The following SEC14L5 variants were observed in gnomAD, a reference collection of about 807,000 sequenced individuals.
SEC14L5 encodes the protein SEC14 like lipid binding 5.
In SEC14L5, 96 loss-of-function variants were observed where a neutral mutation model predicts 84.6. The observed-to-expected ratio is 1.13, with a 90% CI of 0.96 to 1.34. SEC14L5 has a LOEUF of 1.34. SEC14L5 is among the 40% of genes most tolerant of loss of function. SEC14L5 has a pLI of 0.00. For synonymous variants in SEC14L5, 546 were observed against 383.4 expected, an observed-to-expected ratio of 1.42 and a Z score of -4.95; for missense variants, 1,224 against 942.5, an observed-to-expected ratio of 1.30 and a Z score of -3.91.
rs866773213 is a variant in SEC14L5 at position 5,000,738 on chromosome 16, C to T, written c.1054C>T (p.Arg352Trp). 7.1e-6 allele frequency: 11 copies of T among 1,552,832 alleles called. No individual in the cohort carries two copies. Among genetic ancestry groups the T allele is most frequent in the Admixed American group, 5.9e-5 (3 of 51,082 alleles). Residue 352 changes from arginine (R) to tryptophan (W), a missense_variant, in exon 9 of 16, where the codon CGG becomes TGG. Coordinates refer to ENST00000251170, the MANE Select transcript of SEC14L5 (RefSeq NM_014692.2). ...MKAVGEEALL[R>W]HVLSVNEEGQ... ...GGCCGTGGGGGAGGAGGCGCTGCTGCGGCATGTGAGTCAGGGGCCTCGTTC... is the reference window on the plus strand; with the variant it reads ...GGCCGTGGGGGAGGAGGCGCTGCTGTGGCATGTGAGTCAGGGGCCTCGTTC...
At chr16:4,958,948 G>A (rs560710986) in intron 1 of SEC14L5, among the ~76,000 whole-genome samples, 5 of 152,164 alleles carry the variant, frequency 3.3e-5, no homozygotes, top group South Asian at 2.1e-4. Flanking sequence ...TAGAACCGTG[G>A]GAGTGTAAGA....
At chr16:4,983,113 C>T (rs1253047815) in intron 2 of SEC14L5, among the ~76,000 whole-genome samples, 1 of 152,070 alleles carries the variant, frequency 6.6e-6, no homozygotes, top group Admixed American at 6.6e-5. Context: ...AGCGATTCTC[C>T]TGCCTCAGCC....
At chr16:4,997,139 C>T (rs1955621592) in intron 8 of SEC14L5, 95 bp downstream of exon 8, 1 of 933,414 alleles carries the variant, frequency 1.1e-6, no homozygotes, top group African/African-American at 1.7e-5. Flanking sequence ...CACTCTGTCA[C>T]CCAGGCTGGA....
At chr16:4,960,404 A>C (rs1955108682) in intron 2 of SEC14L5, among the ~76,000 whole-genome samples, 1 of 151,956 alleles carries the variant, frequency 6.6e-6, no homozygotes, top group Non-Finnish European at 1.5e-5. Context: ...CCACCCCAGC[A>C]CTGACTGCTT....
At chr16:4,960,202 C>T (rs1278860063) in intron 2 of SEC14L5, among the ~76,000 whole-genome samples, 2 of 152,184 alleles carry the variant, frequency 1.3e-5, no homozygotes, top group African/African-American at 4.8e-5. Flanking sequence ...ACTTCACTTC[C>T]CTGCTCAGTA....
intron 11 of SEC14L5, among the ~76,000 whole-genome samples, chr16:5,004,304 C>T (rs1316630935): frequency 6.6e-6 from 1 of 152,100 alleles, no homozygotes; most frequent in African/African-American, 2.4e-5. Flanking sequence ...GGGGCAGGAG[C>T]TGCTTCTGAA....
intron 2 of SEC14L5, among the ~76,000 whole-genome samples, chr16:4,961,559 C>T (rs974090260): frequency 2.6e-5 from 4 of 152,136 alleles, no homozygotes; most frequent in Non-Finnish European, 5.9e-5. Flanking sequence ...GAACTGCTGA[C>T]CTCAAGTGAT....
At chr16:4,965,538 G>A (rs1436784432) in intron 2 of SEC14L5, among the ~76,000 whole-genome samples, 6 of 151,570 alleles carry the variant, frequency 4.0e-5, no homozygotes, top group African/African-American at 1.2e-4. Context: ...GCGGGCGCCT[G>A]TAGTCCCAGC....
At position 5,015,091 on chromosome 16, in the gene SEC14L5, C is replaced by A; in HGVS notation, c.*121C>A. On this transcript the variant is annotated 3_prime_UTR_variant, in exon 16 of 16. Coordinates refer to ENST00000251170, the MANE Select transcript of SEC14L5 (RefSeq NM_014692.2). ...GCTGGAGCCCCAGGCCTAGATGCTG[C>A]CCAAGTTGGGGTGTCTGGAGCGGAT... 1.3e-6 allele frequency: 1 copy of A among 747,140 alleles called. No individual in the cohort carries two copies. The highest frequency in any genetic ancestry group is 1.8e-5 in the South Asian group (1 of 57,018). 46.3% of individuals were successfully genotyped at this position (747,140 alleles called of 1,614,324 possible). A position where few individuals can be genotyped will look rare whatever the true frequency, so the allele number is the denominator to read the frequency against.
chr16:4,997,158 G>A (rs763620664), intron 8 of SEC14L5, 114 bp downstream of exon 8: 3 of 704,320 alleles, frequency 4.3e-6, no homozygotes, highest in Middle Eastern at 4.3e-4. Context: ...GAGTGCAGTG[G>A]TGCCATCTCG....
chr16:4,959,206 C>G, intron 1 of SEC14L5, 67 bp from the exon 2 acceptor site: 1 of 767,798 alleles, frequency 1.3e-6, no homozygotes, highest in Non-Finnish European at 2.3e-6. Flanking sequence ...GCCCCTTACA[C>G]TTGGTGGGTG....
chr16:4,997,827 C>T (rs1400509789), intron 8 of SEC14L5, among the ~76,000 whole-genome samples: 4 of 152,036 alleles, frequency 2.6e-5, no homozygotes, highest in Non-Finnish European at 4.4e-5. Flanking sequence ...CTGGTGGCAG[C>T]TTCACTCCAG....
At chr16:4,973,680 CTT>C (rs34324146) in intron 2 of SEC14L5, among the ~76,000 whole-genome samples, 26,320 of 126,326 alleles carry the variant, frequency 0.21, 2,809 homozygotes, top group Non-Finnish European at 0.26. Context: ...TTCTCTGTCT[CTT>C]TTTTTTTTTT....
chr16:5,006,643 CAGTG>C (rs1411625825), intron 12 of SEC14L5, among the ~76,000 whole-genome samples: 3 of 152,226 alleles, frequency 2.0e-5, no homozygotes, highest in South Asian at 2.1e-4. Context: ...AAATACCAGA[CAGTG>C]AGCTTGCGTC....
At position 4,964,456 on chromosome 16, in the gene SEC14L5, C is replaced by A. The variant is rs182217797; in HGVS notation, c.63+5070C>A. On this transcript the variant is annotated intron_variant, in intron 2 of 15. Coordinates refer to ENST00000251170, the MANE Select transcript of SEC14L5 (RefSeq NM_014692.2). ...ACAAAATTACCTAAGTGTGGTGGTG[C>A]ATGCTTGTAATCCCAGCTAGTCGGG... is the stretch of plus-strand genomic sequence containing the variant. Among the ~76,000 whole-genome samples, 714 of 152,132 alleles carry A rather than the reference C, an allele frequency of 4.7e-3. 5 individuals carry two copies. Among genetic ancestry groups the A allele is most frequent in the Middle Eastern group, 0.014 (4 of 294 alleles).
intron 2 of SEC14L5, among the ~76,000 whole-genome samples, chr16:4,969,225 G>A (rs1316408126): frequency 3.9e-5 from 6 of 152,216 alleles, no homozygotes; most frequent in East Asian, 3.8e-4. Context: ...TAAGGCCCTC[G>A]TGCATTCATT....
rs779997505 is a variant in SEC14L5, at chr16:5,011,181, G to A, written c.1887G>A (p.Pro629=). 2 of 1,613,632 alleles carry A rather than the reference G, an allele frequency of 1.2e-6. No individual in the cohort carries two copies. The highest frequency in any genetic ancestry group is 8.5e-7 in the Non-Finnish European group (1 of 1,179,822). ...CCAGCAGCGTGGCCTGCAGCCTCCC[G>A]GGTGTGGACGATGTCCTGACGGCTC... ...SPPSSVACSL[P]GVDDVLTALH... is the part of the protein sequence containing the mutation. Residue 629 remains proline, a synonymous_variant, in exon 15 of 16, where the codon CCG becomes CCA. Coordinates refer to ENST00000251170, the MANE Select transcript of SEC14L5 (RefSeq NM_014692.2).
In SEC14L5 at chr16:4,990,849, C is replaced by T; in HGVS notation, c.428C>T (p.Ala143Val). 1 of 1,610,944 alleles carries T rather than the reference C, an allele frequency of 6.2e-7. No homozygotes were observed. Among genetic ancestry groups the T allele is most frequent in the Admixed American group, 1.7e-5 (1 of 59,666 alleles). Residue 143 changes from alanine (A) to valine (V), a missense_variant, in exon 5 of 16, where the codon GCC becomes GTC. Ala to Val is a moderately conservative substitution (Grantham distance 64). Transcript: ENST00000251170. ...CGGTCTTTCTTTGGCTTTGAAAATGCCTTGGAGAAGATCGCCATGAAGCAG... is the reference window on the plus strand; with the variant it reads ...CGGTCTTTCTTTGGCTTTGAAAATGTCTTGGAGAAGATCGCCATGAAGCAG... ...DIRSFFGFEN[A>V]LEKIAMKQYT...
At chr16:4,994,371 T>C (rs1955584662) in intron 6 of SEC14L5, among the ~76,000 whole-genome samples, 2 of 152,166 alleles carry the variant, frequency 1.3e-5, no homozygotes, top group African/African-American at 4.8e-5. Context: ...TTTTCTTTTT[T>C]TTTTATCTGT....
Sources: allele counts gnomAD v4.1 joint callset (sites outside exome capture counted in the v4.1 genomes callset), GRCh38; gene constraint gnomAD v4.1.1; transcripts MANE v1.5; gene names NCBI Gene and HGNC (gene_info 2026-07-23, HGNC 2026-07-21).